The following CASK variants were observed in gnomAD, a reference collection of about 807,000 sequenced individuals.
The protein encoded by CASK is peripheral plasma membrane protein CASK.
Under a neutral mutation model 82.9 loss-of-function variants are expected in CASK, and 4 were observed. That is an observed-to-expected ratio of 0.05 (90% CI 0.02 to 0.11). The LOEUF (loss-of-function observed/expected upper bound fraction) is 0.11. CASK is among the 10% of genes least tolerant of loss of function. CASK has a pLI of 1.00. For missense variants in CASK, 358 were observed against 720.9 expected, an observed-to-expected ratio of 0.50 and a Z score of 5.76; for synonymous variants, 259 against 253.5, an observed-to-expected ratio of 1.02 and a Z score of -0.20.
At chrX:41,853,024 C>T (rs1265962091) in intron 2 of CASK, 91 bp downstream of exon 2, 6 of 590,439 alleles carry the variant, frequency 1.0e-5, no homozygotes, top group Non-Finnish European at 1.8e-5. Context: ...CTCTGCTTCC[C>T]CACCCCCAGA....
rs1602371669 is a variant in CASK at position 41,626,705 on chromosome X, T to TA, written c.916-3dup. 1 of 1,111,756 alleles carries TA rather than the reference T, an allele frequency of 9.0e-7. No homozygotes were observed. The highest frequency in any genetic ancestry group is 2.4e-4 in the Middle Eastern group (1 of 4,107). 91.6% of individuals were successfully genotyped at this position (1,111,756 alleles called of 1,213,427 possible). ...TGACACAGCGGCTAGTACTGCACCC[T>TA]AAAACAAAGAGATGAAAAAATAGAT... is the stretch of plus-strand genomic sequence containing the variant. On this transcript the variant is annotated splice_polypyrimidine_tract_variant and splice_region_variant and intron_variant, in intron 9 of 26. Transcript: ENST00000378163.
chrX:41,563,040 C>CAAAAAAAAAAAA (rs141364032), intron 16 of CASK, among the ~76,000 whole-genome samples: 15 of 22,186 alleles, frequency 6.8e-4, no homozygotes, highest in Non-Finnish European at 7.9e-4. Context: ...GACTCCATCT[C>CAAAAAAAAAAAA]AAAAAAAAAA....
At chrX:41,832,611 A>G (rs2070845875) in intron 2 of CASK, among the ~76,000 whole-genome samples, 1 of 111,149 alleles carries the variant, frequency 9.0e-6, no homozygotes, top group South Asian at 3.7e-4. Flanking sequence ...CAACACAAAC[A>G]CTGACTGAGG....
chrX:41,699,228 T>G (rs1311043885), intron 5 of CASK, among the ~76,000 whole-genome samples: 1 of 111,686 alleles, frequency 9.0e-6, no homozygotes, highest in Admixed American at 9.6e-5. Context: ...CCCGGCCAGT[T>G]AACTATATTT....
intron 12 of CASK, chrX:41,589,862 A>G: frequency 3.1e-6 from 1 of 319,401 alleles, no homozygotes; most frequent in Non-Finnish European, 5.6e-6. Context: ...AAATTCATCA[A>G]TATTTCCTCA....
chrX:41,813,440 C>G (rs976021783), intron 2 of CASK, among the ~76,000 whole-genome samples: 1 of 110,766 alleles, frequency 9.0e-6, no homozygotes, highest in Non-Finnish European at 1.9e-5. Flanking sequence ...TAATACCACA[C>G]ATCTACAACC....
chrX:41,823,268 A>G (rs2070588737), intron 2 of CASK, among the ~76,000 whole-genome samples: 1 of 109,122 alleles, frequency 9.2e-6, no homozygotes, highest in Non-Finnish European at 1.9e-5. Flanking sequence ...TCTTGATGGA[A>G]GAGGGGCCCA....
At chrX:41,807,655 A>G (rs1041336805) in intron 2 of CASK, among the ~76,000 whole-genome samples, 1 of 110,973 alleles carries the variant, frequency 9.0e-6, no homozygotes, top group Non-Finnish European at 1.9e-5. Context: ...GGAGTTCAAG[A>G]GCATGGCATG....
At chrX:41,792,383 T>G (rs1423680257) in intron 2 of CASK, among the ~76,000 whole-genome samples, 1 of 107,792 alleles carries the variant, frequency 9.3e-6, no homozygotes, top group Non-Finnish European at 1.9e-5. Flanking sequence ...CTTGAACTCC[T>G]GGGCTCAAGG....
intron 2 of CASK, among the ~76,000 whole-genome samples, chrX:41,830,817 C>CAAAAAAAAA (rs780864898): frequency 2.7e-5 from 1 of 36,964 alleles, no homozygotes; most frequent in Non-Finnish European, 4.7e-5. Context: ...GAGACTCTGC[C>CAAAAAAAAA]AAAAAAAAAA....
At chrX:41,912,824 T>A (rs1221005132) in intron 1 of CASK, among the ~76,000 whole-genome samples, 2 of 103,867 alleles carry the variant, frequency 1.9e-5, no homozygotes, top group African/African-American at 3.4e-5. Flanking sequence ...TATATAAAAA[T>A]ATATATAATG....
chrX:41,865,868 C>T (rs1020224094), intron 1 of CASK, among the ~76,000 whole-genome samples: 1 of 111,778 alleles, frequency 8.9e-6, no homozygotes, highest in South Asian at 3.8e-4. Context: ...AAAGGTACTT[C>T]CCAGGGCCAC....
intron 2 of CASK, among the ~76,000 whole-genome samples, chrX:41,819,240 A>C (rs894644134): frequency 2.7e-5 from 3 of 111,653 alleles, no homozygotes; most frequent in East Asian, 5.6e-4. Context: ...GGAAAATGAG[A>C]GAAGACAAAA....
intron 5 of CASK, among the ~76,000 whole-genome samples, chrX:41,721,628 T>C (rs1400731999): frequency 1.8e-5 from 2 of 112,103 alleles, no homozygotes; most frequent in Admixed American, 1.9e-4. Context: ...CAACCAATAA[T>C]TTCTTTCTAA....
chrX:41,741,361 T>C (rs2068595240), intron 4 of CASK, among the ~76,000 whole-genome samples: 1 of 112,136 alleles, frequency 8.9e-6, no homozygotes, highest in Non-Finnish European at 1.9e-5. Context: ...ATTATTATTG[T>C]TAAGTTCAAT....
chrX:41,683,443 T>C (rs5917439), intron 5 of CASK: 16,851 of 111,911 alleles, frequency 0.15, 971 homozygotes, highest in Middle Eastern at 0.18. Context: ...GCTGGGACTA[T>C]AGGCATGTGC....
At chrX:41,880,815 C>T (rs1334884189) in intron 1 of CASK, among the ~76,000 whole-genome samples, 1 of 111,732 alleles carries the variant, frequency 8.9e-6, no homozygotes, top group African/African-American at 3.2e-5. Context: ...AATCCTTACA[C>T]TTTATTTAAC....
chrX:41,758,435 C>CA (rs746659684), intron 3 of CASK, among the ~76,000 whole-genome samples: 12,052 of 42,818 alleles, frequency 0.28, 1,129 homozygotes, highest in Middle Eastern at 0.39. Context: ...GACTTCATCT[C>CA]AAAAAAAAAA....
At chrX:41,782,092 A>G (rs1165171607) in intron 3 of CASK, among the ~76,000 whole-genome samples, 3 of 111,647 alleles carry the variant, frequency 2.7e-5, no homozygotes, top group African/African-American at 9.8e-5. Context: ...ATGATCATTT[A>G]AAAAATCCTT....
Sources: gnomAD v4.1 joint callset for allele counts (sites outside exome capture counted in the v4.1 genomes callset) on GRCh38, gnomAD v4.1.1 for gene constraint, MANE v1.5 for transcripts, NCBI Gene and HGNC (gene_info 2026-07-23, HGNC 2026-07-21) for gene names.